Variants in IGSF9 observed in about 807,000 individuals in gnomAD.
IGSF9 encodes the protein protein turtle homolog A.
A neutral mutation model predicts 121.7 loss-of-function variants in IGSF9; 87 were observed. That is an observed-to-expected ratio of 0.71 (90% confidence interval 0.60 to 0.85). The LOEUF (loss-of-function observed/expected upper bound fraction) is 0.85. Among genes scored for constraint, IGSF9 ranks in the 40% least tolerant of loss-of-function variants. The pLI is 0.00. For missense variants in IGSF9, 1,462 were observed against 1,565.3 expected (o/e 0.93, Z 1.11); for synonymous variants, 640 against 648.4 (o/e 0.99, Z 0.20).
In IGSF9 at chr1:159,929,952, G is replaced by C. The variant is rs867068444; in HGVS notation, c.2088C>G (p.Leu696=). The change falls in exon 16 of 21, where the codon CTC becomes CTG. Residue 696 remains leucine, a synonymous_variant. Transcript: ENST00000368094. ...TGACGAAGCTGCCCGCGAAGGCCAC[G>C]AGGCGGAACTCGTAGAGAACATCCT... ...LIKDVLYEFR[L]VAFAGSFVSD... 21 of 1,585,250 alleles carry C rather than the reference G, an allele frequency of 1.3e-5. No homozygotes were observed. The highest frequency in any genetic ancestry group is 1.8e-5 in the Non-Finnish European group (21 of 1,166,540).
rs1488611705 is a variant in IGSF9 at position 159,931,578 on chromosome 1, G to T, written c.1388C>A (p.Ala463Asp). The T allele has an allele frequency of 3.7e-6, 6 of 1,613,998 alleles. No homozygotes were observed. In the South Asian group the frequency reaches 6.6e-5, roughly 18 times the overall value. The stretch of plus-strand genomic sequence containing the variant: ...GAGGCTGCTGTTGCTGTCCACCTGG[G>T]CCTGGCCTTGCAGCCCCCGGCCCAC... ...TKVGRGLQGQ[A>D]QVDSNSSLIL... The change falls in exon 12 of 21, where the codon GCC becomes GAC. Residue 463 changes from alanine to aspartate, a missense_variant. Around this residue, in one of 3 missense-constraint regions of IGSF9, gnomAD observed 96 missense variants for 150.7 expected, o/e 0.64. Coordinates refer to ENST00000368094, the MANE Select transcript of IGSF9 (RefSeq NM_001135050.2). This position sits in a 1 kb window ranked among gnomAD's most constrained non-coding sequence, Gnocchi z 4.8.
Position 159,932,358 on chromosome 1 carries a change from T to A in IGSF9, c.1245+154A>T. 1.3e-6 allele frequency: 1 copy of A among 757,930 alleles called. No individual in the cohort carries two copies. The highest frequency in any genetic ancestry group is 2.6e-5 in the East Asian group (1 of 37,906). The allele number at this position is 757,930 out of a possible 1,614,324, so 47.0% of individuals were successfully genotyped here. On this transcript the variant is annotated intron_variant, in intron 10 of 20. Coordinates refer to ENST00000368094, the MANE Select transcript of IGSF9 (RefSeq NM_001135050.2). The surrounding 1 kb of genome is among the most constrained non-coding windows in gnomAD (Gnocchi z 4.1). ...CTCTGCAGAAACCTCTGGGATGGCATCAGGCAGCTGCTGCCGTGGCCACCA... is the reference window on the plus strand; with the variant it reads ...CTCTGCAGAAACCTCTGGGATGGCAACAGGCAGCTGCTGCCGTGGCCACCA...
Position 159,931,843 on chromosome 1 carries a change from C to G in IGSF9, c.1331G>C (p.Gly444Ala). 1 of 1,592,312 alleles carries G rather than the reference C, an allele frequency of 6.3e-7. No homozygotes were observed. Among genetic ancestry groups the G allele is most frequent in the Non-Finnish European group, 8.5e-7 (1 of 1,171,708 alleles). Residue 444 changes from glycine to alanine, a missense_variant, in exon 11 of 21, where the codon GGG becomes GCG. By Grantham distance (60) the Gly-to-Ala change is moderately conservative (BLOSUM62 0). Around this residue, in one of 3 missense-constraint regions of IGSF9, gnomAD observed 558 missense variants for 599.4 expected, o/e 0.93. Coordinates refer to ENST00000368094, the MANE Select transcript of IGSF9 (RefSeq NM_001135050.2). The surrounding 1 kb of genome is among the most constrained non-coding windows in gnomAD (Gnocchi z 4.8). ...CCAAGAGACAACAGGAGGAGGGTCCCCTTGGGCGGAGCAGGGGATGAGCAG... is the reference window on the plus strand; with the variant it reads ...CCAAGAGACAACAGGAGGAGGGTCCGCTTGGGCGGAGCAGGGGATGAGCAG... The part of the protein sequence containing the change: ...RELLIPCSAQ[G>A]DPPPVVSWTK...
chr1:159,938,663 T>C (rs1215482448), intron 3 of IGSF9, among the ~76,000 whole-genome samples: 1 of 152,180 alleles, frequency 6.6e-6, no homozygotes, highest in African/African-American at 2.4e-5. Flanking sequence ...AAGCACACAC[T>C]TGGGAGCCAG....
intron 5 of IGSF9, 75 bp from the exon 6 acceptor site, chr1:159,936,591 AGAGG>A: frequency 1.3e-6 from 2 of 1,540,896 alleles, no homozygotes; most frequent in Admixed American, 3.5e-5. Flanking sequence ...TTTGGCCAGC[AGAGG>A]GAGGCAGCAC....
Position 159,929,885 on chromosome 1 carries a change from G to A in IGSF9, c.2149+6C>T. On this transcript the variant is annotated splice_donor_region_variant and intron_variant, in intron 16 of 20. Transcript: ENST00000368094. ...CTGGGGCTCCTCCCTCACGCCAGGT[G>A]CTCACCGGAAGTGGAGACGTTGGCC... 1 of 1,575,774 alleles carries A rather than the reference G, an allele frequency of 6.3e-7. No individual in the cohort carries two copies. Among genetic ancestry groups the A allele is most frequent in the Non-Finnish European group, 8.6e-7 (1 of 1,161,458 alleles).
chr1:159,936,906 G>T lies in IGSF9; in HGVS notation c.403C>A (p.Pro135Thr). The T allele has an allele frequency of 6.2e-7, 1 of 1,614,120 alleles. No homozygotes were observed. Among genetic ancestry groups the T allele is most frequent in the Non-Finnish European group, 8.5e-7 (1 of 1,179,968 alleles). The change falls in exon 5 of 21, where the codon CCC (proline) becomes ACC (threonine). Residue 135 changes from proline (P) to threonine (T), a missense_variant and splice_region_variant. Pro to Thr is a conservative substitution (Grantham distance 38). Around this residue, in one of 3 missense-constraint regions of IGSF9, gnomAD observed 558 missense variants for 599.4 expected, o/e 0.93. Transcript: ENST00000368094. ...GGAGGTGTCTCCTGGAATTGAGGGG[G>T]TGCTGCAAGGGAGACAGGCATCAGG... is the stretch of plus-strand genomic sequence containing the variant. ...GSWVHLTVNS[P>T]PQFQETPPAV...
chr1:159,932,426 C>A lies in IGSF9; in HGVS notation c.1245+86G>T. On this transcript the variant is annotated intron_variant, in intron 10 of 20. Transcript: ENST00000368094. This position sits in a 1 kb window ranked among gnomAD's most constrained non-coding sequence, Gnocchi z 4.1. ...AACCCCTCCCCATGTGTCTGCCCCA[C>A]CCCACCCCCATCAGCCTGGCCTTAG... The A allele has an allele frequency of 1.5e-6, 2 of 1,309,518 alleles. No homozygotes were observed. The highest frequency in any genetic ancestry group is 2.1e-6 in the Non-Finnish European group (2 of 934,836). 81.1% of individuals were successfully genotyped at this position (1,309,518 alleles called of 1,614,324 possible).
chr1:159,934,116 G>A, intron 9 of IGSF9, 74 bp downstream of exon 9: 1 of 1,514,964 alleles, frequency 6.6e-7, no homozygotes, highest in Non-Finnish European at 9.0e-7. Flanking sequence ...ATTAAACCGA[G>A]CTAACTCCAC....
intron 3 of IGSF9, among the ~76,000 whole-genome samples, chr1:159,939,052 G>T (rs545914322): frequency 1.3e-5 from 2 of 152,102 alleles, no homozygotes; most frequent in Non-Finnish European, 2.9e-5. Flanking sequence ...TGCTCATTAG[G>T]TTTTTCAAAT....
At position 159,936,806 on chromosome 1, in the gene IGSF9, A is replaced by C; in HGVS notation, c.503T>G (p.Val168Gly). 6.2e-7 allele frequency: 1 copy of C among 1,614,166 alleles called. No individual in the cohort carries two copies. The highest frequency in any genetic ancestry group is 1.3e-5 in the African/African-American group (1 of 75,040). Reference protein sequence around the residue: ...CVARGSPLPHVTWKLRGKDLG... With the variant: ...CVARGSPLPHGTWKLRGKDLG... ...GTCCTTTCCTCGGAGCTTCCACGTCACATGAGGCAGGGGGCTGCCACGGGC... is the reference window on the plus strand; with the variant it reads ...GTCCTTTCCTCGGAGCTTCCACGTCCCATGAGGCAGGGGGCTGCCACGGGC... Residue 168 changes from valine to glycine, a missense_variant, in exon 5 of 21, where the codon GTG becomes GGG. This residue lies in a region of IGSF9 where 558 missense variants were observed against 599.4 expected (regional missense o/e 0.93). Coordinates refer to ENST00000368094, the MANE Select transcript of IGSF9 (RefSeq NM_001135050.2).
Position 159,928,985 on chromosome 1 carries a change from C to A in IGSF9, c.2403G>T (p.Val801=). The A allele has an allele frequency of 6.6e-7, 1 of 1,519,184 alleles. No homozygotes were observed. Among genetic ancestry groups the A allele is most frequent in the Non-Finnish European group, 8.8e-7 (1 of 1,134,958 alleles). The allele number at this position is 1,519,184 out of a possible 1,614,324, so 94.1% of individuals were successfully genotyped here. A position where few individuals can be genotyped will look rare whatever the true frequency, so the allele number is the denominator to read the frequency against. The change falls in exon 19 of 21, where the codon GTG becomes GTT. Residue 801 remains valine, a synonymous_variant. Coordinates refer to ENST00000368094, the MANE Select transcript of IGSF9 (RefSeq NM_001135050.2). ...SALGSGSPDS[V]AKLKLQGSPV... ...GGGATCCCTGGAGCTTCAGCTTCGCCACGCTGTCAGGACTGCCTGAGCCCA... is the reference window on the plus strand; with the variant it reads ...GGGATCCCTGGAGCTTCAGCTTCGCAACGCTGTCAGGACTGCCTGAGCCCA...
chr1:159,942,864 A>G (rs2101884444), intron 3 of IGSF9, 99 bp downstream of exon 3: 4 of 936,506 alleles, frequency 4.3e-6, no homozygotes, highest in Non-Finnish European at 6.7e-6. Flanking sequence ...ATGAGATCAG[A>G]GCAGGGACAA....
In IGSF9 at chr1:159,932,552, C is replaced by T; in HGVS notation, c.1205G>A (p.Gly402Asp). Residue 402 changes from glycine (G) to aspartate (D), a missense_variant, in exon 10 of 21, where the codon GGT (glycine) becomes GAT (aspartate). Transcript: ENST00000368094. The surrounding 1 kb of genome is among the most constrained non-coding windows in gnomAD (Gnocchi z 4.1). ...EYSCTPYNSLGTAGPSPVTRV... is the reference protein window; with the variant it reads ...EYSCTPYNSLDTAGPSPVTRV... ...GGTCACAGGAGAGGGCCCGGCGGTA[C>T]CAAGACTGTTGTAGGGGGTGCAGGA... The T allele has an allele frequency of 6.2e-7, 1 of 1,614,044 alleles. No individual in the cohort carries two copies.
intron 3 of IGSF9, among the ~76,000 whole-genome samples, chr1:159,942,118 C>T (rs942357796): frequency 6.6e-6 from 1 of 152,244 alleles, no homozygotes; most frequent in Non-Finnish European, 1.5e-5. Flanking sequence ...TCTCTCGCCC[C>T]ATAGCCCAGA....
At position 159,931,073 on chromosome 1, in the gene IGSF9, G is replaced by A. The variant is rs562477268; in HGVS notation, c.1637+65C>T. On this transcript the variant is annotated intron_variant, in intron 13 of 20. Transcript: ENST00000368094. The surrounding 1 kb of genome is among the most constrained non-coding windows in gnomAD (Gnocchi z 4.8). The stretch of plus-strand genomic sequence containing the variant: ...AGAAGAAAGGGCAGAAGGCCAGATA[G>A]GTTCAAGGAGGAGAGGAAAGGAGGC... The A allele has an allele frequency of 1.4e-4, 228 of 1,608,910 alleles. 2 individuals are homozygous for A. In the South Asian group the frequency reaches 2.4e-3, roughly 17 times the overall value.
intron 1 of IGSF9, among the ~76,000 whole-genome samples, chr1:159,943,893 G>A (rs111440090): frequency 0.052 from 7,868 of 152,148 alleles, 401 homozygotes; most frequent in African/African-American, 0.13. Context: ...AGGAAATGTG[G>A]AAGGATTCTG....
At position 159,927,121 on chromosome 1, in the gene IGSF9, G is replaced by GAGAGAGAT. The variant is rs1650762990; in HGVS notation, c.*223_*224insATCTCTCT. On this transcript the variant is annotated 3_prime_UTR_variant, in exon 21 of 21. Transcript: ENST00000368094. ...ACAGAGAGAGAGAGAGAGAGAGAGA[G>GAGAGAGAT]AGAGAGAGAGGCAGACCTAAGATCC... 1 of 596,600 alleles carries GAGAGAGAT rather than the reference G, an allele frequency of 1.7e-6. No homozygotes were observed. Among genetic ancestry groups the GAGAGAGAT allele is most frequent in the East Asian group, 2.8e-5 (1 of 35,580 alleles). The allele number at this position is 596,600 out of a possible 1,614,324, so 37.0% of individuals were successfully genotyped here. A position where few individuals can be genotyped will look rare whatever the true frequency, so the allele number is the denominator to read the frequency against.
intron 3 of IGSF9, among the ~76,000 whole-genome samples, chr1:159,938,556 A>C (rs552761381): frequency 5.3e-5 from 8 of 152,146 alleles, no homozygotes; most frequent in Non-Finnish European, 1.0e-4. Context: ...CCAGGCTCAG[A>C]CCGAGGGTGC....
Sources: gnomAD v4.1 joint callset for allele counts (sites outside exome capture counted in the v4.1 genomes callset) on GRCh38, gnomAD v4.1.1 for gene constraint, gnomAD v4.1.1 regional missense constraint, Gnocchi (gnomAD v3.1) non-coding constraint, MANE v1.5 for transcripts, NCBI Gene and HGNC (gene_info 2026-07-23, HGNC 2026-07-21) for gene names.